GLI1: variants seen among roughly 807,000 people sequenced by gnomAD.
GLI1 encodes transcription activator GLI1.
A neutral mutation model predicts 87.8 loss-of-function variants in GLI1; 51 were observed. That is an observed-to-expected ratio of 0.58 (90% CI 0.46 to 0.73). The LOEUF (loss-of-function observed/expected upper bound fraction) is 0.73. GLI1 is among the 30% of genes least tolerant of loss of function. GLI1 has a pLI of 0.00. For missense variants in GLI1, 1,292 were observed against 1,437.2 expected, an observed-to-expected ratio of 0.90 and a Z score of 1.63; for synonymous variants, 528 against 558.2, an observed-to-expected ratio of 0.95 and a Z score of 0.76.
chr12:57,465,236 G>A lies in GLI1; in HGVS notation c.515G>A (p.Gly172Glu), dbSNP rs1224544686. Reference protein sequence around the residue: ...GGMIPHPQSRGPFPTCQLKSE... With the variant: ...GGMIPHPQSREPFPTCQLKSE... ...ATGATCCCACATCCTCAGTCCCGGGGACCCTTCCCAACTTGCCAGGTGAGA... is the reference window on the plus strand; with the variant it reads ...ATGATCCCACATCCTCAGTCCCGGGAACCCTTCCCAACTTGCCAGGTGAGA... Residue 172 changes from glycine (G) to glutamate (E), a missense_variant, in exon 5 of 12, where the codon GGA becomes GAA. Gly to Glu is a moderately conservative substitution (Grantham distance 98). Coordinates refer to ENST00000228682, the MANE Select transcript of GLI1 (RefSeq NM_005269.3). The A allele has an allele frequency of 1.2e-6, 2 of 1,611,042 alleles. No homozygotes were observed. The highest frequency in any genetic ancestry group is 1.7e-6 in the Non-Finnish European group (2 of 1,179,028).
chr12:57,467,304 C>T (rs751469959), intron 8 of GLI1, 29 bp from the exon 9 acceptor site: 1 of 1,573,372 alleles, frequency 6.4e-7, no homozygotes, highest in Non-Finnish European at 8.7e-7. Context: ...TGTCTGAGAA[C>T]TATCCTTTGA....
Position 57,472,260 on chromosome 12 carries a change from C to A in GLI1, c.*199C>A. The A allele has an allele frequency of 3.3e-6, 2 of 597,106 alleles. No homozygotes were observed. Among genetic ancestry groups the A allele is most frequent in the South Asian group, 2.4e-5 (1 of 41,346 alleles). 37.0% of individuals were successfully genotyped at this position (597,106 alleles called of 1,614,324 possible). ...TTTCCTGATAATAAAGGAACTGCAT[C>A]AGAAAAAATACCATGCCACTTTATG... On this transcript the variant is annotated 3_prime_UTR_variant, in exon 12 of 12. Transcript: ENST00000228682.
At position 57,464,072 on chromosome 12, in the gene GLI1, G is replaced by A; in HGVS notation, c.174G>A (p.Glu58=). Residue 58 remains glutamate (E), a synonymous_variant, in exon 3 of 12, where the codon GAG becomes GAA. Coordinates refer to ENST00000228682, the MANE Select transcript of GLI1 (RefSeq NM_005269.3). ...SGPHSYGPAR[E]TNSCTEGPLF... ...CCCACAGTTATGGGCCAGCCAGAGA[G>A]ACCAACAGCTGCACCGAGGGTGAGG... is the stretch of plus-strand genomic sequence containing the variant. 1 of 1,611,172 alleles carries A rather than the reference G, an allele frequency of 6.2e-7. No individual in the cohort carries two copies. The highest frequency in any genetic ancestry group is 1.1e-5 in the South Asian group (1 of 91,024).
rs1364157130 is a variant in GLI1, at chr12:57,466,296, G to C, written c.819G>C (p.Gly273=). ...GERKEFVCHW[G]GCSRELRPFK... ...GGAAGGAGTTCGTGTGCCACTGGGG[G>C]GGCTGCTCCAGGGAGCTGAGGCCCT... The change falls in exon 8 of 12, where the codon GGG becomes GGC. Residue 273 remains glycine, a synonymous_variant. Coordinates refer to ENST00000228682, the MANE Select transcript of GLI1 (RefSeq NM_005269.3). The C allele has an allele frequency of 1.2e-6, 2 of 1,613,950 alleles. No homozygotes were observed. Among genetic ancestry groups the C allele is most frequent in the Non-Finnish European group, 8.5e-7 (1 of 1,179,904 alleles).
intron 7 of GLI1, 102 bp downstream of exon 7, chr12:57,466,027 GA>G (rs1871459310): frequency 1.7e-6 from 2 of 1,199,548 alleles, no homozygotes; most frequent in South Asian, 2.7e-5. Flanking sequence ...AGAGGAGACT[GA>G]GGTTGAATGC....
chr12:57,469,282 G>C (rs577441156), intron 10 of GLI1, 149 bp from the exon 11 acceptor site: 2 of 684,502 alleles, frequency 2.9e-6, no homozygotes, highest in Admixed American at 2.9e-5. Context: ...CATTCAGTTT[G>C]CTCCCCCATC....
chr12:57,464,692 C>T lies in GLI1; in HGVS notation c.213C>T (p.Pro71=), dbSNP rs1206451119. Residue 71 remains proline, a synonymous_variant, in exon 4 of 12, where the codon CCC becomes CCT. Transcript: ENST00000228682. The part of the protein sequence containing the change: ...SCTEGPLFSS[P]RSAVKLTKKR... ...CCCCAGGCCCACTCTTTTCTTCTCC[C>T]CGGAGTGCAGTCAAGTTGACCAAGA... The T allele has an allele frequency of 6.2e-7, 1 of 1,613,890 alleles. No individual in the cohort carries two copies. The highest frequency in any genetic ancestry group is 1.3e-5 in the African/African-American group (1 of 74,916).
chr12:57,468,146 T>C lies in GLI1; in HGVS notation c.1230T>C (p.Ser410=). The change falls in exon 10 of 12, where the codon TCT becomes TCC. Residue 410 remains serine, a synonymous_variant. Transcript: ENST00000228682. ...CCCTGCCTCGGGCACCATCCATTTC[T>C]ACAGTGGAGCCCAAGAGGGAGCGGG... ...DGPLPRAPSI[S]TVEPKREREG... is the part of the protein sequence containing the mutation. 1 of 1,614,172 alleles carries C rather than the reference T, an allele frequency of 6.2e-7. No homozygotes were observed. Among genetic ancestry groups the C allele is most frequent in the Non-Finnish European group, 8.5e-7 (1 of 1,180,014 alleles).
At chr12:57,470,081 C>T (rs1307986545) in intron 11 of GLI1, among the ~76,000 whole-genome samples, 1 of 152,168 alleles carries the variant, frequency 6.6e-6, no homozygotes, top group Admixed American at 6.5e-5. Flanking sequence ...GGCTATGATG[C>T]GAATGCTGTT....
Position 57,459,816 on chromosome 12 carries a change from G to A in GLI1, c.-413G>A, listed in dbSNP as rs118054983. On this transcript the variant is annotated 5_prime_UTR_variant, in exon 1 of 12. Coordinates refer to ENST00000228682, the MANE Select transcript of GLI1 (RefSeq NM_005269.3). ...AGTATAGGGTCCCTCAAGGGAGGGG[G>A]AGGATCCTGGGGGTCCTGGGGGTGC... Among the ~76,000 whole-genome samples, 2,740 of 150,278 alleles carry A rather than the reference G, an allele frequency of 0.018. 44 individuals carry two copies. The highest frequency in any genetic ancestry group is 0.031 in the Non-Finnish European group (2,063 of 67,478).
chr12:57,469,459 C>T lies in GLI1; in HGVS notation c.1337C>T (p.Ser446Leu). 1 of 1,614,006 alleles carries T rather than the reference C, an allele frequency of 6.2e-7. No homozygotes were observed. Among genetic ancestry groups the T allele is most frequent in the Non-Finnish European group, 8.5e-7 (1 of 1,179,992 alleles). ...CCACAGCCAAGCCCTGGGGCCCAGT[C>T]ATCCTGCAGCAGTGACCACTCCCCG... ...MKPQPSPGAQ[S>L]SCSSDHSPAG... The change falls in exon 11 of 12, where the codon TCA (serine) becomes TTA (leucine). Residue 446 changes from serine (S) to leucine (L), a missense_variant. By Grantham distance (145) the Ser-to-Leu change is moderately radical. This residue lies in a region of GLI1 where 897 missense variants were observed against 1,040.7 expected (regional missense o/e 0.86). Transcript: ENST00000228682.
In GLI1 at chr12:57,469,632, G is replaced by C; in HGVS notation, c.1510G>C (p.Asp504His). 2 of 1,614,072 alleles carry C rather than the reference G, an allele frequency of 1.2e-6. No homozygotes were observed. Among genetic ancestry groups the C allele is most frequent in the Non-Finnish European group, 1.7e-6 (2 of 1,180,016 alleles). ...TLRRLENLRLDQLHQLRPIGT... is the reference protein window; with the variant it reads ...TLRRLENLRLHQLHQLRPIGT... ...TCGCCGCCTTGAGAACCTCAGGCTG[G>C]ACCAGCTACATCAACTCCGGCCAAT... Residue 504 changes from aspartate (D) to histidine (H), a missense_variant, in exon 11 of 12, where the codon GAC (aspartate) becomes CAC (histidine). By Grantham distance (81) the Asp-to-His change is moderately conservative. Around this residue, in one of 3 missense-constraint regions of GLI1, gnomAD observed 897 missense variants for 1,040.7 expected, o/e 0.86. Coordinates refer to ENST00000228682, the MANE Select transcript of GLI1 (RefSeq NM_005269.3).
Position 57,470,639 on chromosome 12 carries a change from A to AG in GLI1, c.1903dup (p.Val635GlyfsTer7). 1 of 1,613,656 alleles carries AG rather than the reference A, an allele frequency of 6.2e-7. No individual in the cohort carries two copies. The highest frequency in any genetic ancestry group is 8.5e-7 in the Non-Finnish European group (1 of 1,179,794). Reference sequence around the variant, plus strand: ...AGTATCCAGGATACAACCCCAATGCAGGGGTCACCCGGAGGGCCAGTGACC... The same window carrying AG: ...AGTATCCAGGATACAACCCCAATGCAGGGGGTCACCCGGAGGGCCAGTGACC... On this transcript the variant is annotated frameshift_variant, in exon 12 of 12. Coordinates refer to ENST00000228682, the MANE Select transcript of GLI1 (RefSeq NM_005269.3). LOFTEE classifies it high-confidence loss of function.
At chr12:57,463,569 G>GA in intron 1 of GLI1, 96 bp from the exon 2 acceptor site, 1 of 709,978 alleles carries the variant, frequency 1.4e-6, no homozygotes. Flanking sequence ...AGGGGTGGGG[G>GA]ATACCAGGGA....
chr12:57,469,399 G>A (rs746068802), intron 10 of GLI1, 32 bp from the exon 11 acceptor site: 3 of 1,604,724 alleles, frequency 1.9e-6, no homozygotes, highest in African/African-American at 1.3e-5. Context: ...TGTGGGGAAG[G>A]GTGTTGCCCT....
At chr12:57,463,150 C>T (rs3782126) in intron 1 of GLI1, among the ~76,000 whole-genome samples, 79,892 of 152,004 alleles carry the variant, frequency 0.53, 23,048 homozygotes, top group Middle Eastern at 0.74. Context: ...CCAGAGTACA[C>T]AGACTACAAG....
chr12:57,467,788 C>A (rs956714082), intron 9 of GLI1, among the ~76,000 whole-genome samples: 1 of 152,156 alleles, frequency 6.6e-6, no homozygotes, highest in Non-Finnish European at 1.5e-5. Context: ...GGGTTCACCC[C>A]CTCATCTTTC....
chr12:57,461,595 C>T (rs980911317), intron 1 of GLI1, among the ~76,000 whole-genome samples: 14 of 152,260 alleles, frequency 9.2e-5, no homozygotes, highest in Non-Finnish European at 2.1e-4. Context: ...CTGGGCGCCA[C>T]TGCCTGCTTT....
chr12:57,466,141 G>C lies in GLI1; in HGVS notation c.763-99G>C. 6 of 1,277,288 alleles carry C rather than the reference G, an allele frequency of 4.7e-6. No homozygotes were observed. The South Asian group carries it at 6.9e-5, about 15-fold the overall frequency. 79.1% of individuals were successfully genotyped at this position (1,277,288 alleles called of 1,614,324 possible). On this transcript the variant is annotated intron_variant, in intron 7 of 11. Coordinates refer to ENST00000228682, the MANE Select transcript of GLI1 (RefSeq NM_005269.3). ...TTGCTCCTGCCTCTTCCTCCTTGAG[G>C]TGGAGTCGTGGAAGAGGAACAGGGG... is the stretch of plus-strand genomic sequence containing the variant.
Sources: gnomAD v4.1 joint callset for allele counts (sites outside exome capture counted in the v4.1 genomes callset) on GRCh38, gnomAD v4.1.1 for gene constraint, gnomAD v4.1.1 regional missense constraint, MANE v1.5 for transcripts, NCBI Gene and HGNC (gene_info 2026-07-23, HGNC 2026-07-21) for gene names.